Variants in PCDHGB6 observed in about 807,000 individuals in gnomAD.
PCDHGB6 encodes protocadherin gamma-B6.
A neutral mutation model predicts 59.1 loss-of-function variants in PCDHGB6; 51 were observed. That is an observed-to-expected ratio of 0.86 (90% confidence interval 0.69 to 1.09). PCDHGB6 has a LOEUF of 1.09. Among genes scored for constraint, PCDHGB6 ranks in the 50% least tolerant of loss-of-function variants. PCDHGB6 has a pLI of 0.00. For synonymous variants in PCDHGB6, 466 were observed against 495.1 expected (o/e 0.94, Z 0.78); for missense variants, 1,148 against 1,205.1 (o/e 0.95, Z 0.70).
intron 1 of PCDHGB6, among the ~76,000 whole-genome samples, chr5:141,492,164 C>G (rs1180358388): frequency 6.6e-6 from 1 of 152,230 alleles, no homozygotes; most frequent in Non-Finnish European, 1.5e-5. Context: ...CTCCCTATCC[C>G]CGCATCACCC....
intron 1 of PCDHGB6, among the ~76,000 whole-genome samples, chr5:141,442,680 A>C (rs2098335997): frequency 6.6e-6 from 1 of 152,270 alleles, no homozygotes; most frequent in Non-Finnish European, 1.5e-5. Flanking sequence ...CTTGAGGGAC[A>C]GTAGTCAGGC....
chr5:141,410,462 CTG>C lies in PCDHGB6; in HGVS notation c.2263_2264del (p.Cys755HisfsTer10), dbSNP rs1258642453. ...GGGGACTTTGCCTTATTCTTATAAT[CTG>C]TGCATTGCACATACGGGTACAAAAG... is the stretch of plus-strand genomic sequence containing the variant. ...SEGTLPYSYNLCIAHTGTKEF... is the reference protein window; with the variant it reads ...SEGTLPYSYNXCIAHTGTKEF... On this transcript the variant is annotated frameshift_variant, in exon 1 of 4. Transcript: ENST00000520790. LOFTEE classifies it high-confidence loss of function. The C allele has an allele frequency of 6.2e-7, 1 of 1,613,924 alleles. No individual in the cohort carries two copies. The highest frequency in any genetic ancestry group is 2.2e-5 in the East Asian group (1 of 44,880).
chr5:141,433,437 T>C (rs1422634356), intron 1 of PCDHGB6, among the ~76,000 whole-genome samples: 2 of 152,076 alleles, frequency 1.3e-5, no homozygotes, highest in Admixed American at 1.3e-4. Flanking sequence ...AGTCTCACTA[T>C]GTTGAGCAGG....
intron 1 of PCDHGB6, among the ~76,000 whole-genome samples, chr5:141,444,726 G>C (rs1296177763): frequency 6.6e-6 from 1 of 152,048 alleles, no homozygotes; most frequent in African/African-American, 2.4e-5. Flanking sequence ...TGGTGCCTTT[G>C]TTGAAAGTCA....
At chr5:141,466,123 A>G (rs961197575) in intron 1 of PCDHGB6, among the ~76,000 whole-genome samples, 1 of 151,364 alleles carries the variant, frequency 6.6e-6, no homozygotes, top group African/African-American at 2.4e-5. Flanking sequence ...CTCCAGCTCA[A>G]AAAAAAAATC....
Position 141,491,739 on chromosome 5 carries a change from C to T in PCDHGB6, c.2419-3068C>T. ...CGCCGCCCCGGGCGACCCCTGGGGG[C>T]GGCACTGGAGAAGCCGCCCGTCCTC... On this transcript the variant is annotated intron_variant, in intron 1 of 3. Transcript: ENST00000520790. This position sits in a 1 kb window ranked among gnomAD's most constrained non-coding sequence, Gnocchi z 6.9. The T allele has an allele frequency of 1.3e-6, 2 of 1,599,004 alleles. No individual in the cohort carries two copies. Among genetic ancestry groups the T allele is most frequent in the East Asian group, 2.3e-5 (1 of 44,194 alleles).
chr5:141,478,660 T>C, intron 1 of PCDHGB6: 2 of 1,551,848 alleles, frequency 1.3e-6, no homozygotes, highest in Non-Finnish European at 1.7e-6. Flanking sequence ...TGGTGATGCA[T>C]TCACACTTTC....
chr5:141,421,766 C>T, intron 1 of PCDHGB6: 2 of 1,613,868 alleles, frequency 1.2e-6, no homozygotes, highest in South Asian at 1.1e-5. Context: ...AATTACTTTT[C>T]CTTGCAACTG....
intron 1 of PCDHGB6, among the ~76,000 whole-genome samples, chr5:141,472,039 A>T (rs913132856): frequency 1.3e-5 from 2 of 152,200 alleles, no homozygotes; most frequent in Non-Finnish European, 2.9e-5. Context: ...AGCTGTGAAA[A>T]GATTTTAAAA....
intron 1 of PCDHGB6, chr5:141,416,446 G>A (rs192789193): frequency 8.5e-5 from 13 of 152,284 alleles, no homozygotes; most frequent in East Asian, 5.8e-4. Context: ...GTAAATATGG[G>A]TTGGGAAGAC....
At chr5:141,421,776 G>A in intron 1 of PCDHGB6, 5 of 1,613,876 alleles carry the variant, frequency 3.1e-6, no homozygotes, top group Non-Finnish European at 3.4e-6. Context: ...CCTTGCAACT[G>A]CGGGGCAGAA....
intron 1 of PCDHGB6, chr5:141,430,556 C>A (rs1479639096): frequency 9.7e-6 from 4 of 413,394 alleles, no homozygotes; most frequent in African/African-American, 2.1e-5. Flanking sequence ...GTTCACCAAT[C>A]GGGGAGAGAA....
chr5:141,431,547 T>TA lies in PCDHGB6; in HGVS notation c.2418+20928dup. On this transcript the variant is annotated intron_variant, in intron 1 of 3. Transcript: ENST00000520790. The surrounding 1 kb of genome is among the most constrained non-coding windows in gnomAD (Gnocchi z 4.8). ...CTGGCCTTGGGCACGCAGCTGCTTG[T>TA]AGTCAACGCTACCGACCCTGACGAA... 6.2e-7 allele frequency: 1 copy of TA among 1,614,096 alleles called. No individual in the cohort carries two copies. The highest frequency in any genetic ancestry group is 8.5e-7 in the Non-Finnish European group (1 of 1,180,022).
intron 1 of PCDHGB6, chr5:141,421,492 G>C: frequency 1.7e-5 from 28 of 1,614,106 alleles, no homozygotes; most frequent in Non-Finnish European, 2.3e-5. Flanking sequence ...GATCACGGCA[G>C]GCAGGATAGA....
chr5:141,500,645 A>C (rs2099801792), intron 2 of PCDHGB6, among the ~76,000 whole-genome samples: 1 of 152,228 alleles, frequency 6.6e-6, no homozygotes, highest in African/African-American at 2.4e-5. Flanking sequence ...GTTTTTTAAA[A>C]ATAGCAACTG....
chr5:141,438,583 CATACATACATATATAT>C (rs1183800202), intron 1 of PCDHGB6, among the ~76,000 whole-genome samples: 1 of 57,610 alleles, frequency 1.7e-5, no homozygotes, highest in African/African-American at 9.0e-5. Context: ...TACATACATA[CATACATACATATATAT>C]ATATATATAT....
chr5:141,422,910 C>T (rs756589496), intron 1 of PCDHGB6: 2 of 1,614,252 alleles, frequency 1.2e-6, no homozygotes, highest in South Asian at 1.1e-5. Context: ...ACAATGCGCC[C>T]GAGATCCTGT....
chr5:141,466,121 C>CA (rs908379481), intron 1 of PCDHGB6, among the ~76,000 whole-genome samples: 24 of 146,876 alleles, frequency 1.6e-4, no homozygotes, highest in East Asian at 8.0e-4. Context: ...GACTCCAGCT[C>CA]AAAAAAAAAA....
At chr5:141,480,021 C>T (rs1415230863) in intron 1 of PCDHGB6, among the ~76,000 whole-genome samples, 2 of 152,208 alleles carry the variant, frequency 1.3e-5, no homozygotes, top group East Asian at 3.8e-4. Flanking sequence ...AATCTCCTTT[C>T]TAAGCCTCTT....
Sources: allele counts gnomAD v4.1 joint callset (sites outside exome capture counted in the v4.1 genomes callset), GRCh38; gene constraint gnomAD v4.1.1; non-coding constraint Gnocchi (gnomAD v3.1); transcripts MANE v1.5; gene names NCBI Gene and HGNC (gene_info 2026-07-23, HGNC 2026-07-21).